Variants in TMTC3 observed in about 807,000 individuals in gnomAD.
TMTC3 encodes transmembrane O-mannosyltransferase targeting cadherins 3.
TMTC3 carries 52 observed loss-of-function variants against 92.2 expected under a neutral mutation model. The observed-to-expected ratio is 0.56, with a 90% CI of 0.45 to 0.71. TMTC3 has a LOEUF of 0.71. Among genes scored for constraint, TMTC3 ranks in the 30% least tolerant of loss-of-function variants. The probability of loss-of-function intolerance (pLI) is 0.00; values close to 1 mark genes in which losing one functional copy is unlikely to be tolerated. For missense variants in TMTC3, 896 were observed against 1,057.1 expected (o/e 0.85, Z 2.11); for synonymous variants, 339 against 363.3 (o/e 0.93, Z 0.76).
intron 6 of TMTC3, among the ~76,000 whole-genome samples, chr12:88,163,372 C>T (rs1395497753): frequency 6.6e-6 from 1 of 152,032 alleles, no homozygotes; most frequent in Non-Finnish European, 1.5e-5. Context: ...ATTCCTGGCT[C>T]GGTATATTTG....
At chr12:88,149,718 G>A (rs919890137) in intron 2 of TMTC3, among the ~76,000 whole-genome samples, 4 of 152,190 alleles carry the variant, frequency 2.6e-5, no homozygotes, top group African/African-American at 7.2e-5. Context: ...CAAGGTTAGG[G>A]ATGGAATCTT....
intron 1 of TMTC3, among the ~76,000 whole-genome samples, chr12:88,145,681 G>A (rs1466482574): frequency 6.6e-6 from 1 of 152,152 alleles, no homozygotes; most frequent in Non-Finnish European, 1.5e-5. Context: ...GAGAAAAAGA[G>A]CAGAGAGGGA....
intron 4 of TMTC3, among the ~76,000 whole-genome samples, chr12:88,154,805 T>C (rs778825345): frequency 1.3e-5 from 2 of 152,184 alleles, no homozygotes; most frequent in Non-Finnish European, 2.9e-5. Flanking sequence ...TATTGTGTGT[T>C]GATCATAGCT....
chr12:88,170,071 T>C lies in TMTC3; in HGVS notation c.1051-2526T>C, dbSNP rs1011894644. 5.3e-5 allele frequency among the ~76,000 whole-genome samples: 8 copies of C among 152,166 alleles called. No individual in the cohort carries two copies. The South Asian group carries it at 1.7e-3, about 31-fold the overall frequency. On this transcript the variant is annotated intron_variant, in intron 7 of 13. Coordinates refer to ENST00000266712, the MANE Select transcript of TMTC3 (RefSeq NM_181783.4). Reference sequence around the variant, plus strand: ...TGCTCTTTCTACTAATATCCTAACATTTAAGGACAGTTTATGCTACTGGAA... The same window carrying C: ...TGCTCTTTCTACTAATATCCTAACACTTAAGGACAGTTTATGCTACTGGAA...
chr12:88,148,202 AT>A, intron 1 of TMTC3, 85 bp from the exon 2 acceptor site: 1 of 767,950 alleles, frequency 1.3e-6, no homozygotes, highest in Non-Finnish European at 2.1e-6. Context: ...TGGAGAATTA[AT>A]ATGCAATTAC....
intron 7 of TMTC3, 104 bp downstream of exon 7, chr12:88,166,686 T>C: frequency 7.8e-7 from 1 of 1,281,102 alleles, no homozygotes; most frequent in East Asian, 2.5e-5. Context: ...CACTCCTTTC[T>C]TTGTTCAACG....
In TMTC3 at chr12:88,143,683, C is replaced by G. The variant is rs529238621; in HGVS notation, c.-29+1196C>G. 5.3e-5 allele frequency among the ~76,000 whole-genome samples: 8 copies of G among 152,242 alleles called. No homozygotes were observed. The East Asian group carries it at 1.4e-3, about 26-fold the overall frequency. On this transcript the variant is annotated intron_variant, in intron 1 of 13. Coordinates refer to ENST00000266712, the MANE Select transcript of TMTC3 (RefSeq NM_181783.4). ...TCAATAATTTGAATTAAACATTCTT[C>G]ATGTTCAGTGTTCTTAATTCATAAT...
intron 7 of TMTC3, among the ~76,000 whole-genome samples, chr12:88,170,487 A>G (rs186518029): frequency 4.1e-4 from 63 of 152,272 alleles, no homozygotes; most frequent in Non-Finnish European, 8.1e-4. Context: ...TTGATTTAAA[A>G]AAACTGAAGT....
chr12:88,153,648 G>A (rs201446732), intron 3 of TMTC3, 139 bp downstream of exon 3: 22 of 516,210 alleles, frequency 4.3e-5, no homozygotes, highest in East Asian at 6.2e-5. Context: ...TCTTAAATTC[G>A]TACAGTTAAT....
intron 2 of TMTC3, among the ~76,000 whole-genome samples, chr12:88,151,338 T>C (rs1214510637): frequency 1.3e-5 from 2 of 152,230 alleles, no homozygotes; most frequent in African/African-American, 4.8e-5. Flanking sequence ...CATCCCTATA[T>C]TGAGATTCAC....
chr12:88,147,982 G>A (rs942362140), intron 1 of TMTC3, among the ~76,000 whole-genome samples: 1 of 151,956 alleles, frequency 6.6e-6, no homozygotes, highest in African/African-American at 2.4e-5. Flanking sequence ...TGTTATCAGA[G>A]ACCCTATGTT....
At chr12:88,148,649 T>C (rs2040904926) in intron 2 of TMTC3, 145 bp downstream of exon 2, 1 of 621,208 alleles carries the variant, frequency 1.6e-6, no homozygotes, top group Non-Finnish European at 2.6e-6. Context: ...ACGTAACATG[T>C]TTGTAATAAA....
intron 1 of TMTC3, among the ~76,000 whole-genome samples, chr12:88,144,093 G>A (rs2040839937): frequency 1.3e-5 from 2 of 152,112 alleles, no homozygotes; most frequent in Admixed American, 1.3e-4. Context: ...CTTGGATTTG[G>A]TGGGATTTGG....
chr12:88,185,532 T>C (rs753680782), intron 10 of TMTC3, among the ~76,000 whole-genome samples: 3 of 152,200 alleles, frequency 2.0e-5, no homozygotes, highest in Non-Finnish European at 4.4e-5. Flanking sequence ...GTTACAAACA[T>C]GGCTGTTACG....
At chr12:88,194,277 G>A (rs1275033392) in intron 13 of TMTC3, among the ~76,000 whole-genome samples, 3 of 152,028 alleles carry the variant, frequency 2.0e-5, no homozygotes, top group Non-Finnish European at 4.4e-5. Flanking sequence ...TATATTTAAT[G>A]GTATGTTTTT....
intron 4 of TMTC3, among the ~76,000 whole-genome samples, chr12:88,155,507 C>T (rs1365678491): frequency 1.3e-5 from 2 of 152,106 alleles, no homozygotes; most frequent in Non-Finnish European, 2.9e-5. Flanking sequence ...CCATTCTTGC[C>T]CTAGCTGTCT....
intron 10 of TMTC3, among the ~76,000 whole-genome samples, chr12:88,186,605 G>T (rs980188697): frequency 1.3e-5 from 2 of 152,058 alleles, no homozygotes; most frequent in African/African-American, 4.8e-5. Context: ...CTTGTTCTTT[G>T]AAGTTCCTTT....
At chr12:88,182,976 A>C (rs2041334813) in intron 10 of TMTC3, among the ~76,000 whole-genome samples, 1 of 152,178 alleles carries the variant, frequency 6.6e-6, no homozygotes, top group Non-Finnish European at 1.5e-5. Flanking sequence ...GACCCTGTTG[A>C]AGGGGCCCTA....
intron 1 of TMTC3, 75 bp from the exon 2 acceptor site, chr12:88,148,213 C>T: frequency 1.1e-6 from 1 of 879,392 alleles, no homozygotes; most frequent in Non-Finnish European, 1.8e-6. Flanking sequence ...TATGCAATTA[C>T]TTACCCACCT....
Sources: allele counts gnomAD v4.1 joint callset (sites outside exome capture counted in the v4.1 genomes callset), GRCh38; gene constraint gnomAD v4.1.1; transcripts MANE v1.5; gene names NCBI Gene and HGNC (gene_info 2026-07-23, HGNC 2026-07-21).